The following LRRC74A variants were observed in gnomAD, a reference collection of about 807,000 sequenced individuals.
LRRC74A encodes leucine rich repeat containing 74A, also known as leucine-rich repeat-containing protein 74A.
Under a neutral mutation model 57.9 loss-of-function variants are expected in LRRC74A, and 44 were observed. The ratio of observed to expected loss-of-function variants is 0.76; its 90% confidence interval spans 0.60 to 0.98. LRRC74A has a LOEUF of 0.98. Ranked by LOEUF, LRRC74A falls within the 50% of genes least tolerant of loss-of-function variation. The pLI is 0.00. For synonymous variants in LRRC74A, 211 were observed against 219.4 expected (o/e 0.96, Z 0.34); for missense variants, 572 against 574.0 (o/e 1.00, Z 0.04).
intron 13 of LRRC74A, 77 bp downstream of exon 13, chr14:76,867,515 C>T: frequency 2.7e-6 from 2 of 752,550 alleles, no homozygotes; most frequent in Non-Finnish European, 2.4e-6. Context: ...CTCCAGCTTT[C>T]CTGTCTACAC....
intron 5 of LRRC74A, among the ~76,000 whole-genome samples, chr14:76,843,162 A>C (rs1209003796): frequency 6.6e-6 from 1 of 152,042 alleles, no homozygotes; most frequent in Non-Finnish European, 1.5e-5. Flanking sequence ...CACAACCTGT[A>C]ATCCCAGTTA....
chr14:76,828,913 C>T (rs1895780068), intron 2 of LRRC74A: 1 of 622,970 alleles, frequency 1.6e-6, no homozygotes, highest in Admixed American at 6.3e-5. Context: ...ATCCCAGGCC[C>T]CTGGAGTGTT....
intron 4 of LRRC74A, among the ~76,000 whole-genome samples, chr14:76,837,658 G>A (rs933853586): frequency 2.0e-5 from 3 of 152,050 alleles, no homozygotes; most frequent in Admixed American, 6.6e-5. Context: ...GCTAGCCCAC[G>A]GGTCCCACCG....
At chr14:76,857,111 T>G (rs1897953889) in intron 9 of LRRC74A, among the ~76,000 whole-genome samples, 2 of 104,296 alleles carry the variant, frequency 1.9e-5, no homozygotes, top group South Asian at 3.7e-4. Context: ...AGATGGTGGG[T>G]AGGTGGATAG....
rs528604337 is a variant in LRRC74A at position 76,870,145 on chromosome 14, C to T, written c.1412C>T (p.Pro471Leu). The change falls in exon 14 of 14, where the codon CCA becomes CTA. Residue 471 changes from proline (P) to leucine (L), a missense_variant. Coordinates refer to ENST00000689127, the MANE Select transcript of LRRC74A (RefSeq NM_001385106.1). Reference protein sequence around the residue: ...VNFSFLNTMKP With the variant: ...VNFSFLNTMKL The stretch of plus-strand genomic sequence containing the variant: ...ACCAGTTTCTTGAACACGATGAAGC[C>T]ATAGCAACAAGTCTGGTCTAGAAAG... 2 of 1,611,488 alleles carry T rather than the reference C, an allele frequency of 1.2e-6. No individual in the cohort carries two copies. Among genetic ancestry groups the T allele is most frequent in the Non-Finnish European group, 1.7e-6 (2 of 1,178,830 alleles).
At chr14:76,846,927 G>A (rs946253917) in intron 7 of LRRC74A, among the ~76,000 whole-genome samples, 4 of 152,166 alleles carry the variant, frequency 2.6e-5, no homozygotes, top group African/African-American at 4.8e-5. Flanking sequence ...GGGGTCATAG[G>A]TATATAGATG....
rs761414654 is a variant in LRRC74A, at chr14:76,866,040, A to G, written c.1273A>G (p.Met425Val). Residue 425 changes from methionine to valine, a missense_variant, in exon 12 of 14, where the codon ATG becomes GTG. Physicochemically the swap from Met to Val is conservative, Grantham distance 21. Coordinates refer to ENST00000689127, the MANE Select transcript of LRRC74A (RefSeq NM_001385106.1). ...KSLNPTGTMK[M>V]SVDEFQKVMI... ...CTTGAACCCCACTGGGACAATGAAGATGTCTGTGGATGAGTTCCAGAAAGT... is the reference window on the plus strand; with the variant it reads ...CTTGAACCCCACTGGGACAATGAAGGTGTCTGTGGATGAGTTCCAGAAAGT... 3 of 1,590,410 alleles carry G rather than the reference A, an allele frequency of 1.9e-6. No individual in the cohort carries two copies. Among genetic ancestry groups the G allele is most frequent in the South Asian group, 2.3e-5 (2 of 88,848 alleles).
At chr14:76,840,055 G>C (rs1274587531) in intron 5 of LRRC74A, among the ~76,000 whole-genome samples, 3 of 152,144 alleles carry the variant, frequency 2.0e-5, no homozygotes, top group African/African-American at 7.2e-5. Context: ...TTGTAGCAAA[G>C]TTTATATCTT....
At chr14:76,862,239 A>G (rs1181966040) in intron 11 of LRRC74A, among the ~76,000 whole-genome samples, 1 of 152,208 alleles carries the variant, frequency 6.6e-6, no homozygotes, top group African/African-American at 2.4e-5. Context: ...GAACATAGAA[A>G]GTTTCATATG....
At chr14:76,866,394 G>T (rs1898798626) in intron 12 of LRRC74A, among the ~76,000 whole-genome samples, 1 of 152,216 alleles carries the variant, frequency 6.6e-6, no homozygotes, top group African/African-American at 2.4e-5. Context: ...CAAAGGGAGT[G>T]AGAGAGGAGA....
At chr14:76,847,061 G>A (rs1018823997) in intron 7 of LRRC74A, among the ~76,000 whole-genome samples, 9 of 152,126 alleles carry the variant, frequency 5.9e-5, no homozygotes, top group Non-Finnish European at 1.2e-4. Flanking sequence ...AGGAGGAAGA[G>A]GAGTCTGAGG....
chr14:76,859,078 C>T (rs1236297010), intron 10 of LRRC74A, among the ~76,000 whole-genome samples: 1 of 152,170 alleles, frequency 6.6e-6, no homozygotes, highest in East Asian at 1.9e-4. Context: ...TTCCTTTCCC[C>T]ATCCTCATGC....
chr14:76,829,418 T>A (rs918036008), intron 2 of LRRC74A, among the ~76,000 whole-genome samples: 1 of 152,218 alleles, frequency 6.6e-6, no homozygotes, highest in Non-Finnish European at 1.5e-5. Flanking sequence ...TTGCTCTTTT[T>A]CTGGCTTCTT....
In LRRC74A at chr14:76,828,361, G is replaced by T; in HGVS notation, c.108G>T (p.Pro36=). Residue 36 remains proline, a synonymous_variant, in exon 2 of 14, where the codon CCG becomes CCT. Coordinates refer to ENST00000689127, the MANE Select transcript of LRRC74A (RefSeq NM_001385106.1). ...TCTACTGTGAGGCCGAATCCCCGCC[G>T]ACTGTTGAAAAAGTGAAACCAGCCC... ...KMLYCEAESP[P]TVEKVKPARE... The T allele has an allele frequency of 6.2e-7, 1 of 1,613,852 alleles. No individual in the cohort carries two copies. Among genetic ancestry groups the T allele is most frequent in the Non-Finnish European group, 8.5e-7 (1 of 1,179,770 alleles).
At chr14:76,858,558 T>C (rs745978702) in intron 10 of LRRC74A, among the ~76,000 whole-genome samples, 7 of 152,076 alleles carry the variant, frequency 4.6e-5, no homozygotes, top group Non-Finnish European at 1.0e-4. Context: ...GGGGGCAAAA[T>C]TCAACCCATA....
Position 76,837,934 on chromosome 14 carries a change from G to A in LRRC74A, c.507G>A (p.Glu169=). ...CCAGAATCATCTCAGATTTCTTTGAGAGAAACAGTTCTTCTATCTGGAGCC... is the reference window on the plus strand; with the variant it reads ...CCAGAATCATCTCAGATTTCTTTGAAAGAAACAGTTCTTCTATCTGGAGCC... ...EGARIISDFF[E]RNSSSIWSLE... is the part of the protein sequence containing the mutation. Residue 169 remains glutamate, a synonymous_variant, in exon 5 of 14, where the codon GAG becomes GAA. Transcript: ENST00000689127. 6.3e-7 allele frequency: 1 copy of A among 1,587,350 alleles called. No homozygotes were observed. The highest frequency in any genetic ancestry group is 1.2e-5 in the South Asian group (1 of 86,842).
chr14:76,850,458 G>A (rs1164193784), intron 7 of LRRC74A, among the ~76,000 whole-genome samples: 1 of 152,024 alleles, frequency 6.6e-6, no homozygotes, highest in African/African-American at 2.4e-5. Context: ...GGGTAATGAA[G>A]GCAGGAGAAA....
chr14:76,826,566 C>A lies in LRRC74A; in HGVS notation c.-132C>A. On this transcript the variant is annotated 5_prime_UTR_variant, in exon 1 of 14. Coordinates refer to ENST00000689127, the MANE Select transcript of LRRC74A (RefSeq NM_001385106.1). ...TGGGAGGGAAGGATAACTGCAGGCT[C>A]CCCTGGGATGCCCCCAGGTGAGGGA... 6.2e-7 allele frequency: 1 copy of A among 1,612,708 alleles called. No homozygotes were observed. The highest frequency in any genetic ancestry group is 1.1e-5 in the South Asian group (1 of 90,684).
In LRRC74A at chr14:76,844,532, C is replaced by A. The variant is rs1896992600; in HGVS notation, c.594+60C>A. On this transcript the variant is annotated intron_variant, in intron 6 of 13. Transcript: ENST00000689127. ...CGATGTCCCTGGGAGATCTGGGCAA[C>A]CTGGGGCTGCTATGGGCACAGTAAC... The A allele has an allele frequency of 3.3e-6, 5 of 1,537,668 alleles. No homozygotes were observed. The African/African-American group carries it at 4.1e-5, about 13-fold the overall frequency.
Sources: gnomAD v4.1 joint callset for allele counts (sites outside exome capture counted in the v4.1 genomes callset) on GRCh38, gnomAD v4.1.1 for gene constraint, MANE v1.5 for transcripts, NCBI Gene and HGNC (gene_info 2026-07-23, HGNC 2026-07-21) for gene names.